The following PLCB1 variants were observed in gnomAD, a reference collection of about 807,000 sequenced individuals.
PLCB1 encodes phospholipase C beta 1, also known as 1-phosphatidylinositol 4,5-bisphosphate phosphodiesterase beta-1.
A neutral mutation model predicts 161.8 loss-of-function variants in PLCB1; 46 were observed. The observed-to-expected ratio is 0.28, with a 90% confidence interval of 0.22 to 0.36. PLCB1 has a LOEUF of 0.36. PLCB1 is among the 10% of genes least tolerant of loss of function. The pLI, the probability that PLCB1 is intolerant of heterozygous loss-of-function variation, is 1.00. For missense variants in PLCB1, 1,016 were observed against 1,472.5 expected (o/e 0.69, Z 5.07); for synonymous variants, 517 against 503.7 (o/e 1.03, Z -0.35).
At chr20:8,828,188 G>A (rs10485727) in intron 31 of PLCB1, among the ~76,000 whole-genome samples, 43,906 of 152,056 alleles carry the variant, frequency 0.29, 6,502 homozygotes, top group Middle Eastern at 0.4. Context: ...CTCTGGAAAC[G>A]TTGGCAATAG....
At chr20:8,599,425 GC>G (rs1568523857) in intron 3 of PLCB1, among the ~76,000 whole-genome samples, 2 of 147,472 alleles carry the variant, frequency 1.4e-5, no homozygotes, top group South Asian at 4.4e-4. Context: ...TTGAATATTG[GC>G]CCCCACTCTC....
intron 2 of PLCB1, among the ~76,000 whole-genome samples, chr20:8,151,073 T>G (rs779670787): frequency 6.6e-6 from 1 of 152,182 alleles, no homozygotes; most frequent in Non-Finnish European, 1.5e-5. Context: ...TGGTTATTAT[T>G]TCAAGCATCG....
intron 1 of PLCB1, among the ~76,000 whole-genome samples, chr20:8,140,399 A>G (rs1049993320): frequency 1.3e-5 from 2 of 152,200 alleles, no homozygotes; most frequent in African/African-American, 2.4e-5. Flanking sequence ...TTTCAGTCCT[A>G]AATATAATAA....
At chr20:8,618,086 C>T (rs902869396) in intron 3 of PLCB1, among the ~76,000 whole-genome samples, 3 of 152,040 alleles carry the variant, frequency 2.0e-5, no homozygotes, top group Non-Finnish European at 4.4e-5. Context: ...GATGCAAGAA[C>T]ACTTGACTTC....
At chr20:8,867,570 G>A (rs1048029417) in intron 31 of PLCB1, among the ~76,000 whole-genome samples, 1 of 152,164 alleles carries the variant, frequency 6.6e-6, no homozygotes, top group Non-Finnish European at 1.5e-5. Flanking sequence ...CAGGGTTTGT[G>A]TGGTTAAGAG....
intron 31 of PLCB1, among the ~76,000 whole-genome samples, chr20:8,807,220 G>C (rs929338992): frequency 6.6e-6 from 1 of 152,116 alleles, no homozygotes; most frequent in Non-Finnish European, 1.5e-5. Flanking sequence ...GGTGTTGGAG[G>C]ACTCATTAAG....
chr20:8,506,213 T>C (rs1441533789), intron 3 of PLCB1, among the ~76,000 whole-genome samples: 1 of 152,252 alleles, frequency 6.6e-6, no homozygotes, highest in Non-Finnish European at 1.5e-5. Flanking sequence ...AACAAACTAT[T>C]TGCCTATTGG....
intron 7 of PLCB1, chr20:8,651,812 A>C: frequency 2.8e-5 from 8 of 284,384 alleles, no homozygotes; most frequent in Non-Finnish European, 5.2e-5. Flanking sequence ...AAAGAAAACA[A>C]TGCTCGCAAA....
chr20:8,339,659 T>C (rs913878202), intron 2 of PLCB1, among the ~76,000 whole-genome samples: 4 of 152,336 alleles, frequency 2.6e-5, no homozygotes, highest in African/African-American at 9.6e-5. Context: ...AACTCTCTTC[T>C]GTTGTTGGTG....
intron 2 of PLCB1, among the ~76,000 whole-genome samples, chr20:8,324,517 A>G (rs1338313266): frequency 6.6e-6 from 1 of 152,176 alleles, no homozygotes; most frequent in African/African-American, 2.4e-5. Context: ...TGTTAAATGA[A>G]TGAGATCTTA....
At chr20:8,575,076 A>T (rs1276877654) in intron 3 of PLCB1, among the ~76,000 whole-genome samples, 1 of 152,200 alleles carries the variant, frequency 6.6e-6, no homozygotes, top group Non-Finnish European at 1.5e-5. Context: ...ATTTAGTCCA[A>T]CCCATAGATT....
At chr20:8,352,143 T>C (rs768214854) in intron 2 of PLCB1, among the ~76,000 whole-genome samples, 2 of 152,122 alleles carry the variant, frequency 1.3e-5, no homozygotes, top group African/African-American at 2.4e-5. Flanking sequence ...TGGAATATTA[T>C]TGAGTGATAA....
At chr20:8,537,404 A>G (rs1600136934) in intron 3 of PLCB1, among the ~76,000 whole-genome samples, 1 of 152,082 alleles carries the variant, frequency 6.6e-6, no homozygotes, top group East Asian at 1.9e-4. Context: ...CACTCGCCCA[A>G]CTCCTGAGAT....
intron 2 of PLCB1, among the ~76,000 whole-genome samples, chr20:8,183,943 G>A (rs1181491695): frequency 6.6e-6 from 1 of 152,064 alleles, no homozygotes; most frequent in Non-Finnish European, 1.5e-5. Flanking sequence ...ATCTTGGTTT[G>A]ACTGTAAACT....
At chr20:8,678,313 A>G (rs1990135714) in intron 9 of PLCB1, among the ~76,000 whole-genome samples, 2 of 152,234 alleles carry the variant, frequency 1.3e-5, no homozygotes, top group Admixed American at 1.3e-4. Context: ...GAATGAGAGT[A>G]ATGTATACAT....
intron 2 of PLCB1, among the ~76,000 whole-genome samples, chr20:8,340,726 A>AT (rs1462580265): frequency 6.6e-6 from 1 of 152,134 alleles, no homozygotes; most frequent in Non-Finnish European, 1.5e-5. Context: ...GCCCGGCCAA[A>AT]TTCTAGTTTT....
Position 8,724,749 on chromosome 20 carries a change from A to G in PLCB1, c.1675A>G (p.Lys559Glu). The change falls in exon 16 of 32, where the codon AAA (lysine) becomes GAA (glutamate). Residue 559 changes from lysine (K) to glutamate (E), a missense_variant. By Grantham distance (56) the Lys-to-Glu change is moderately conservative. Around this residue, in one of 10 missense-constraint regions of PLCB1, gnomAD observed 109 missense variants for 129.7 expected, o/e 0.84. Transcript: ENST00000338037. The part of the protein sequence containing the change: ...PVKFESFEIS[K>E]KRNKSFEMSS... ...CAAGTTTGAGTCATTTGAAATTTCAAAAAGTAAGTTTTCCCTGGAGAAAAA... is the reference window on the plus strand; with the variant it reads ...CAAGTTTGAGTCATTTGAAATTTCAGAAAGTAAGTTTTCCCTGGAGAAAAA... 1 of 1,583,384 alleles carries G rather than the reference A, an allele frequency of 6.3e-7. No individual in the cohort carries two copies. Among genetic ancestry groups the G allele is most frequent in the Non-Finnish European group, 8.7e-7 (1 of 1,153,174 alleles).
At chr20:8,385,010 G>A (rs1483015282) in intron 3 of PLCB1, among the ~76,000 whole-genome samples, 1 of 152,152 alleles carries the variant, frequency 6.6e-6, no homozygotes, top group Non-Finnish European at 1.5e-5. Context: ...CAGCTGGGTG[G>A]CACAGGGAAC....
rs1442817042 is a variant in PLCB1, at chr20:8,430,181, A to C, written c.246+58731A>C. 3.3e-5 allele frequency among the ~76,000 whole-genome samples: 5 copies of C among 152,124 alleles called. 1 individual carries two copies. The East Asian group carries it at 7.7e-4, about 23-fold the overall frequency. Reference sequence around the variant, plus strand: ...AGATAAGCCCATGAAGGAAATGGGAAAATGTGCCCTGATTTTGAGTTACAT... The same window carrying C: ...AGATAAGCCCATGAAGGAAATGGGACAATGTGCCCTGATTTTGAGTTACAT... On this transcript the variant is annotated intron_variant, in intron 3 of 31. Coordinates refer to ENST00000338037, the MANE Select transcript of PLCB1 (RefSeq NM_015192.4).
Sources: allele counts gnomAD v4.1 joint callset (sites outside exome capture counted in the v4.1 genomes callset), GRCh38; gene constraint gnomAD v4.1.1; regional missense constraint gnomAD v4.1.1; transcripts MANE v1.5; gene names NCBI Gene and HGNC (gene_info 2026-07-23, HGNC 2026-07-21).